Variants in IGSF5 observed in about 807,000 individuals in gnomAD.
The protein encoded by IGSF5 is immunoglobulin superfamily 5 like.
In IGSF5, 41 loss-of-function variants were observed where a neutral mutation model predicts 39.4. The ratio of observed to expected loss-of-function variants is 1.04; its 90% CI spans 0.81 to 1.35. IGSF5 has a LOEUF of 1.35. Among genes scored for constraint, IGSF5 ranks in the 40% most tolerant of loss-of-function variants. The pLI is 0.00. For missense variants in IGSF5, 487 were observed against 494.6 expected (o/e 0.98, Z 0.15); for synonymous variants, 183 against 175.3 (o/e 1.04, Z -0.34).
At chr21:39,732,936 G>A in the IGSF5 span, among the ~76,000 whole-genome samples, 3 of 152,072 alleles carry the variant, frequency 2.0e-5, no homozygotes, top group Admixed American at 1.3e-4. Context: ...TGAGGTGGGA[G>A]GATCACTTGA....
chr21:39,734,355 G>A, the IGSF5 span, among the ~76,000 whole-genome samples: 4 of 148,028 alleles, frequency 2.7e-5, no homozygotes, highest in Admixed American at 6.7e-5. Context: ...CCCGGGAGGC[G>A]GAGGTTGTAG....
chr21:39,743,689 A>G (rs1249496846), upstream of IGSF5, among the ~76,000 whole-genome samples: 1 of 152,060 alleles, frequency 6.6e-6, no homozygotes, highest in African/African-American at 2.4e-5. Flanking sequence ...CATAAGTCAT[A>G]CTTTTTGCAT....
intron 2 of IGSF5, chr21:39,751,249 A>T (rs959116563): frequency 3.3e-5 from 5 of 152,166 alleles, no homozygotes. Flanking sequence ...TTGTATGGAG[A>T]GAGGACAAGA....
the IGSF5 span, among the ~76,000 whole-genome samples, chr21:39,733,829 T>C: frequency 6.6e-6 from 1 of 152,236 alleles, no homozygotes; most frequent in African/African-American, 2.4e-5. Context: ...TCTCTGCCTT[T>C]TTTGTTACAC....
intron 6 of IGSF5, among the ~76,000 whole-genome samples, chr21:39,791,061 C>CT (rs2086961528): frequency 6.6e-6 from 1 of 152,150 alleles, no homozygotes; most frequent in African/African-American, 2.4e-5. Flanking sequence ...GAATCAATCT[C>CT]TAACAAATAC....
intron 8 of IGSF5, among the ~76,000 whole-genome samples, chr21:39,798,075 C>T (rs796123242): frequency 4.5e-4 from 69 of 152,146 alleles, no homozygotes; most frequent in African/African-American, 1.6e-3. Flanking sequence ...CTGATGAGGC[C>T]CTTGGGAAGT....
chr21:39,771,276 T>C, intron 4 of IGSF5, 61 bp downstream of exon 4: 1 of 1,406,310 alleles, frequency 7.1e-7, no homozygotes, highest in Middle Eastern at 1.9e-4. Context: ...CAATATTACG[T>C]AGAATGCTCC....
chr21:39,756,940 C>A (rs2080033462), intron 2 of IGSF5, among the ~76,000 whole-genome samples: 1 of 152,054 alleles, frequency 6.6e-6, no homozygotes, highest in African/African-American at 2.4e-5. Context: ...CCAGGCTTTA[C>A]CCCATCTATC....
In IGSF5 at chr21:39,795,101, G is replaced by A. The variant is rs753533669; in HGVS notation, c.1128+1488G>A. ...GGCAACTGTGCCTGAGTAACAAATC[G>A]TTAGCTCCTAGTACAAGTTCCAGTG... is the stretch of plus-strand genomic sequence containing the variant. On this transcript the variant is annotated intron_variant, in intron 8 of 8. Coordinates refer to ENST00000380588, the MANE Select transcript of IGSF5 (RefSeq NM_001080444.2). 2.6e-5 allele frequency among the ~76,000 whole-genome samples: 4 copies of A among 152,304 alleles called. No individual in the cohort carries two copies. The East Asian group carries it at 5.8e-4, about 22-fold the overall frequency.
At position 39,776,305 on chromosome 21, in the gene IGSF5, A is replaced by C. The variant is rs145009134; in HGVS notation, c.719-2785A>C. Among the ~76,000 whole-genome samples, 88 of 152,072 alleles carry C rather than the reference A, an allele frequency of 5.8e-4. 1 individual carries two copies. In the East Asian group the frequency reaches 0.017, roughly 29 times the overall value. Reference sequence around the variant, plus strand: ...CAGCACTAAATCATGCCTCTTGCTGACTCGTACACTACACTTTGAGCTCCA... The same window carrying C: ...CAGCACTAAATCATGCCTCTTGCTGCCTCGTACACTACACTTTGAGCTCCA... On this transcript the variant is annotated intron_variant, in intron 4 of 8. Transcript: ENST00000380588.
the IGSF5 span, among the ~76,000 whole-genome samples, chr21:39,718,741 T>G: frequency 1.3e-5 from 2 of 152,188 alleles, no homozygotes; most frequent in Non-Finnish European, 2.9e-5. Flanking sequence ...TGCTGCTGGA[T>G]TCGGTTTGCA....
At chr21:39,731,824 T>C in the IGSF5 span, among the ~76,000 whole-genome samples, 2 of 152,206 alleles carry the variant, frequency 1.3e-5, no homozygotes, top group African/African-American at 4.8e-5. Context: ...CAGGCTTTTA[T>C]GGAACTGAGA....
chr21:39,719,425 G>A, the IGSF5 span, among the ~76,000 whole-genome samples: 2 of 152,150 alleles, frequency 1.3e-5, no homozygotes, highest in South Asian at 2.1e-4. Flanking sequence ...GTGAATGGGT[G>A]TAGGGGGTGC....
At chr21:39,788,678 C>A (rs1338573509) in intron 6 of IGSF5, among the ~76,000 whole-genome samples, 4 of 152,158 alleles carry the variant, frequency 2.6e-5, no homozygotes, top group African/African-American at 9.7e-5. Flanking sequence ...GCGGACAGGA[C>A]GGAAAAATTC....
the IGSF5 span, among the ~76,000 whole-genome samples, chr21:39,715,533 C>T: frequency 1.3e-5 from 2 of 152,196 alleles, no homozygotes; most frequent in African/African-American, 2.4e-5. Context: ...TGGAGGTCCA[C>T]GTATTTATTT....
At chr21:39,740,290 T>G (rs2079942915), upstream of IGSF5, among the ~76,000 whole-genome samples, 1 of 152,166 alleles carries the variant, frequency 6.6e-6, no homozygotes, top group Admixed American at 6.5e-5. Flanking sequence ...CTATTTCCCT[T>G]TCCTTTCCTT....
rs773930603 is a variant in IGSF5, at chr21:39,765,803, C to T, written c.369C>T (p.Cys123=). The part of the protein sequence containing the change: ...VEPSDSGNIR[C]SLQNSRLHGS... The stretch of plus-strand genomic sequence containing the variant: ...CCAGTGATTCGGGGAACATCAGATG[C>T]AGCCTCCAGAACAGTCGCCTGCATG... Residue 123 remains cysteine, a synonymous_variant, in exon 3 of 9, where the codon TGC becomes TGT. Coordinates refer to ENST00000380588, the MANE Select transcript of IGSF5 (RefSeq NM_001080444.2). 3 of 1,614,088 alleles carry T rather than the reference C, an allele frequency of 1.9e-6. No homozygotes were observed. The South Asian group carries it at 3.3e-5, about 18-fold the overall frequency.
intron 4 of IGSF5, among the ~76,000 whole-genome samples, chr21:39,776,779 TGTGA>T (rs2080143840): frequency 6.6e-6 from 1 of 152,334 alleles, no homozygotes; most frequent in African/African-American, 2.4e-5. Context: ...ATAGAGAGTG[TGTGA>T]GTAAGTTAAC....
chr21:39,733,746 T>C, the IGSF5 span, among the ~76,000 whole-genome samples: 3 of 152,240 alleles, frequency 2.0e-5, no homozygotes, highest in African/African-American at 7.2e-5. Flanking sequence ...GCTCTAGGGA[T>C]GAATCTTCCT....
Sources: gnomAD v4.1 joint callset for allele counts (sites outside exome capture counted in the v4.1 genomes callset) on GRCh38, gnomAD v4.1.1 for gene constraint, MANE v1.5 for transcripts, NCBI Gene and HGNC (gene_info 2026-07-23, HGNC 2026-07-21) for gene names.